The following PVT1 variants were observed in gnomAD, a reference collection of about 807,000 sequenced individuals.
PVT1 encodes the protein CXCR4/PVT1 fusion.
intron 4 of PVT1, among the ~76,000 whole-genome samples, chr8:128,057,679 TC>T (rs1813778411): frequency 6.6e-6 from 1 of 152,166 alleles, no homozygotes; most frequent in African/African-American, 2.4e-5. Context: ...AAACATGCTT[TC>T]CTCCCTGCAT....
At chr8:127,890,433 G>T (rs1027425107) in intron 2 of PVT1, among the ~76,000 whole-genome samples, 2 of 152,218 alleles carry the variant, frequency 1.3e-5, no homozygotes, top group Non-Finnish European at 2.9e-5. Context: ...GGCCTCCCTG[G>T]ACACCGGTCT....
At chr8:127,862,951 TC>T (rs1334638533) in intron 2 of PVT1, among the ~76,000 whole-genome samples, 3 of 152,292 alleles carry the variant, frequency 2.0e-5, no homozygotes, top group African/African-American at 7.2e-5. Flanking sequence ...AGGCATCCTG[TC>T]CCTGGATTCG....
chr8:128,033,338 T>C (rs1813421237), intron 4 of PVT1, among the ~76,000 whole-genome samples: 2 of 152,278 alleles, frequency 1.3e-5, no homozygotes, highest in South Asian at 4.1e-4. Flanking sequence ...TGTGTGTATG[T>C]ATGTGTGTGT....
chr8:128,098,169 C>CTTGGGAACAGGGCTGGGCTCAGGGG (rs1814452767), intron 6 of PVT1, among the ~76,000 whole-genome samples: 1 of 152,082 alleles, frequency 6.6e-6, no homozygotes, highest in African/African-American at 2.4e-5. Context: ...AGTGTGCAGC[C>CTTGGGAACAGGGCTGGGCTCAGGGG]TTGGGAACAG....
At chr8:128,091,546 C>T (rs1421298626) in intron 5 of PVT1, among the ~76,000 whole-genome samples, 1 of 152,168 alleles carries the variant, frequency 6.6e-6, no homozygotes, top group Non-Finnish European at 1.5e-5. Flanking sequence ...TTCCTTTCTT[C>T]TTCATTCGTG....
intron 5 of PVT1, among the ~76,000 whole-genome samples, chr8:128,073,897 C>A (rs1279890790): frequency 6.6e-6 from 1 of 151,382 alleles, no homozygotes; most frequent in Non-Finnish European, 1.5e-5. Context: ...AGTCCAAGTG[C>A]AGAGGCAGTT....
intron 5 of PVT1, among the ~76,000 whole-genome samples, chr8:128,092,756 A>G (rs1347100529): frequency 6.6e-6 from 1 of 152,066 alleles, no homozygotes; most frequent in African/African-American, 2.4e-5. Flanking sequence ...TGCATTCCCA[A>G]TCCCCTCCTC....
chr8:128,078,643 A>G (rs916382700), intron 5 of PVT1, among the ~76,000 whole-genome samples: 1 of 152,026 alleles, frequency 6.6e-6, no homozygotes, highest in Admixed American at 6.6e-5. Context: ...ATCGTAGACT[A>G]TATATATATA....
chr8:127,858,802 A>ATTTTTTTTTTTTTTT (rs1442302514), intron 2 of PVT1, among the ~76,000 whole-genome samples: 1 of 38,312 alleles, frequency 2.6e-5, no homozygotes, highest in African/African-American at 8.9e-5. Flanking sequence ...ACACTTGAAG[A>ATTTTTTTTTTTTTTT]TTCTTTTTTT....
intron 2 of PVT1, among the ~76,000 whole-genome samples, chr8:127,868,592 G>C (rs1231781503): frequency 6.6e-6 from 1 of 151,102 alleles, no homozygotes; most frequent in Non-Finnish European, 1.5e-5. Context: ...TTTTCGCCAT[G>C]TTGGCCAGGC....
At chr8:128,093,040 T>C (rs1272200665) in intron 5 of PVT1, among the ~76,000 whole-genome samples, 1 of 152,190 alleles carries the variant, frequency 6.6e-6, no homozygotes, top group Non-Finnish European at 1.5e-5. Context: ...TCTGGAATAA[T>C]ATATATATGC....
At chr8:127,994,582 T>C (rs1817082638) in intron 4 of PVT1, among the ~76,000 whole-genome samples, 1 of 152,252 alleles carries the variant, frequency 6.6e-6, no homozygotes, top group Non-Finnish European at 1.5e-5. Flanking sequence ...TCCATGTCTA[T>C]ATCAATATCT....
At chr8:127,844,305 G>A (rs2129721154) in intron 2 of PVT1, among the ~76,000 whole-genome samples, 2 of 152,298 alleles carry the variant, frequency 1.3e-5, no homozygotes, top group South Asian at 4.1e-4. Context: ...AGTCCTGATT[G>A]CAGCCTCATA....
chr8:127,870,148 T>C (rs757375975), intron 2 of PVT1, among the ~76,000 whole-genome samples: 3 of 152,128 alleles, frequency 2.0e-5, no homozygotes, highest in Non-Finnish European at 4.4e-5. Context: ...TGATATCATA[T>C]TGGATTAGGG....
At chr8:128,063,124 C>G (rs944039217) in intron 4 of PVT1, among the ~76,000 whole-genome samples, 3 of 152,160 alleles carry the variant, frequency 2.0e-5, no homozygotes, top group African/African-American at 7.2e-5. Flanking sequence ...CCCCTTTATC[C>G]TGGTCTTTCC....
intron 4 of PVT1, among the ~76,000 whole-genome samples, chr8:128,019,465 A>G (rs1012210899): frequency 5.3e-5 from 8 of 152,224 alleles, no homozygotes; most frequent in African/African-American, 1.9e-4. Flanking sequence ...TGTCAATTTC[A>G]ATGGTGAAAT....
intron 3 of PVT1, among the ~76,000 whole-genome samples, chr8:127,964,005 C>T (rs7829962): frequency 0.12 from 19,003 of 152,218 alleles, 1,339 homozygotes; most frequent in African/African-American, 0.18. Flanking sequence ...GCTGAATTTG[C>T]ACTGTGAGGG....
At chr8:127,937,548 GACACACAC>G (rs35147410) in intron 3 of PVT1, among the ~76,000 whole-genome samples, 26 of 122,696 alleles carry the variant, frequency 2.1e-4, no homozygotes, top group Admixed American at 1.0e-3. Flanking sequence ...TAGGGAAAAA[GACACACAC>G]ACACACACAC....
At chr8:127,921,769 C>T (rs769199097) in intron 3 of PVT1, among the ~76,000 whole-genome samples, 5 of 148,000 alleles carry the variant, frequency 3.4e-5, no homozygotes, top group Non-Finnish European at 5.9e-5. Flanking sequence ...GCCAACATCA[C>T]GTCACTGCAC....
Sources: gnomAD v4.1 joint callset for allele counts (sites outside exome capture counted in the v4.1 genomes callset) on GRCh38, gnomAD v4.1.1 for gene constraint, MANE v1.5 for transcripts, NCBI Gene and HGNC (gene_info 2026-07-23, HGNC 2026-07-21) for gene names.